MPZL3: variants seen among roughly 807,000 people sequenced by gnomAD.
MPZL3 encodes myelin protein zero-like protein 3.
MPZL3 carries 23 observed loss-of-function variants against 24.8 expected under a neutral mutation model. The observed-to-expected ratio is 0.93, with a 90% CI of 0.67 to 1.31. The LOEUF is 1.31. Ranked by LOEUF, MPZL3 falls within the 40% of genes most tolerant of loss-of-function variation. MPZL3 has a pLI of 0.00. For synonymous variants in MPZL3, 99 were observed against 106.5 expected, an observed-to-expected ratio of 0.93 and a Z score of 0.44; for missense variants, 277 against 294.9, an observed-to-expected ratio of 0.94 and a Z score of 0.44.
intron 5 of MPZL3, among the ~76,000 whole-genome samples, chr11:118,231,835 G>A (rs1047538918): frequency 2.6e-5 from 4 of 151,950 alleles, no homozygotes; most frequent in African/African-American, 9.7e-5. Flanking sequence ...CACCACCCTG[G>A]TCCAAACTAC....
chr11:118,235,528 G>A lies in MPZL3; in HGVS notation c.513C>T (p.Ala171=), dbSNP rs765559948. Residue 171 remains alanine (A), a synonymous_variant, in exon 4 of 6, where the codon GCC becomes GCT. Transcript: ENST00000278949. ...LLSILVFVPS[A]VVVALLLVRM... is the part of the protein sequence containing the mutation. ...TCACCAGCAGCAGAGCAACCACCACGGCTGAGGGCACAAAGACAAGGATGG... is the reference window on the plus strand; with the variant it reads ...TCACCAGCAGCAGAGCAACCACCACAGCTGAGGGCACAAAGACAAGGATGG... 82 of 1,613,850 alleles carry A rather than the reference G, an allele frequency of 5.1e-5. No homozygotes were observed. Among genetic ancestry groups the A allele is most frequent in the Non-Finnish European group, 6.6e-5 (78 of 1,179,972 alleles).
At chr11:118,242,419 T>G (rs1417818527) in intron 1 of MPZL3, among the ~76,000 whole-genome samples, 1 of 152,252 alleles carries the variant, frequency 6.6e-6, no homozygotes, top group African/African-American at 2.4e-5. Context: ...ATTATTAAAA[T>G]GAACACCACA....
At chr11:118,237,586 G>T (rs1373099654) in intron 2 of MPZL3, among the ~76,000 whole-genome samples, 1 of 152,072 alleles carries the variant, frequency 6.6e-6, no homozygotes, top group Admixed American at 6.5e-5. Flanking sequence ...CACAACTGGG[G>T]AGATGCTACC....
chr11:118,239,268 G>C (rs1949463615), intron 2 of MPZL3, among the ~76,000 whole-genome samples: 1 of 152,144 alleles, frequency 6.6e-6, no homozygotes, highest in Non-Finnish European at 1.5e-5. Context: ...AAAAGTGGGA[G>C]GGGAGCATGA....
chr11:118,236,694 T>A (rs532835981), intron 3 of MPZL3, among the ~76,000 whole-genome samples: 49 of 152,004 alleles, frequency 3.2e-4, no homozygotes, highest in African/African-American at 1.2e-3. Context: ...TAACTGGGAG[T>A]ATGAACATGC....
intron 2 of MPZL3, among the ~76,000 whole-genome samples, chr11:118,238,146 A>G (rs577779496): frequency 6.8e-6 from 1 of 147,294 alleles, no homozygotes; most frequent in East Asian, 2.0e-4. Flanking sequence ...CAAAAAAAAA[A>G]GAAAAAAAAG....
intron 1 of MPZL3, among the ~76,000 whole-genome samples, chr11:118,243,336 A>G (rs1039455282): frequency 1.3e-5 from 2 of 152,168 alleles, no homozygotes; most frequent in Non-Finnish European, 2.9e-5. Flanking sequence ...AGGCCATATA[A>G]ACGGCCCAGG....
chr11:118,234,146 T>C (rs1376793887), intron 4 of MPZL3, among the ~76,000 whole-genome samples: 4 of 152,182 alleles, frequency 2.6e-5, no homozygotes, highest in Non-Finnish European at 4.4e-5. Context: ...CATTCAGAAG[T>C]GTACTGAGCA....
chr11:118,234,295 A>G (rs1035379912), intron 4 of MPZL3, among the ~76,000 whole-genome samples: 1 of 152,216 alleles, frequency 6.6e-6, no homozygotes, highest in Non-Finnish European at 1.5e-5. Context: ...AAGTGTTTTA[A>G]TAGAGTTAAC....
In MPZL3 at chr11:118,237,225, T is replaced by G. The variant is rs771496918; in HGVS notation, c.276A>C (p.Thr92=). ...FHYQSFQYPT[T]AGTFRDRISW... ...AAATCCGATCCCGAAATGTGCCTGC[T>G]GTGGTTGGGTACTGGAAAGACTGAT... Residue 92 remains threonine (T), a synonymous_variant, in exon 3 of 6, where the codon ACA becomes ACC. Transcript: ENST00000278949. The G allele has an allele frequency of 1.9e-5, 31 of 1,613,986 alleles. No homozygotes were observed. In the Admixed American group the frequency reaches 3.7e-4, roughly 19 times the overall value.
At chr11:118,246,367 T>C (rs975877455) in intron 1 of MPZL3, among the ~76,000 whole-genome samples, 2 of 151,978 alleles carry the variant, frequency 1.3e-5, no homozygotes, top group African/African-American at 4.8e-5. Flanking sequence ...GGACCTCAAA[T>C]CGAATGCGGT....
intron 2 of MPZL3, 28 bp from the exon 3 acceptor site, chr11:118,237,288 G>T (rs1793141): frequency 6.3e-7 from 1 of 1,595,212 alleles, no homozygotes; most frequent in Non-Finnish European, 8.6e-7. Context: ...TGAGAGAAAA[G>T]GTTAACTTGG....
intron 1 of MPZL3, among the ~76,000 whole-genome samples, chr11:118,249,033 C>A (rs1006252786): frequency 2.3e-5 from 2 of 88,194 alleles, no homozygotes; most frequent in African/African-American, 1.2e-4. Flanking sequence ...CTAATATTTT[C>A]GGTTTGTTTT....
At chr11:118,236,417 AACTTGAGAAAG>A (rs1949427032) in intron 3 of MPZL3, among the ~76,000 whole-genome samples, 1 of 152,120 alleles carries the variant, frequency 6.6e-6, no homozygotes, top group African/African-American at 2.4e-5. Flanking sequence ...AAGGGAGAGA[AACTTGAGAAAG>A]ACTTGAGAAA....
intron 5 of MPZL3, among the ~76,000 whole-genome samples, chr11:118,231,412 G>T (rs1027648489): frequency 2.0e-5 from 3 of 151,974 alleles, no homozygotes; most frequent in African/African-American, 7.3e-5. Context: ...GGAGGGCCCA[G>T]GTTCTGTCCT....
chr11:118,252,348 AC>A lies in MPZL3; in HGVS notation c.-55del. ...CTTGTTTACAGCTCCCGGTAACGACACAGGTAACACCGGAAGTGACGTCAGA... is the reference window on the plus strand; with the variant it reads ...CTTGTTTACAGCTCCCGGTAACGACAAGGTAACACCGGAAGTGACGTCAGA... On this transcript the variant is annotated 5_prime_UTR_variant, in exon 1 of 6. Transcript: ENST00000278949. 1 of 1,563,600 alleles carries A rather than the reference AC, an allele frequency of 6.4e-7. No individual in the cohort carries two copies. Among genetic ancestry groups the A allele is most frequent in the Non-Finnish European group, 8.8e-7 (1 of 1,136,882 alleles).
In MPZL3 at chr11:118,227,350, A is replaced by G. The variant is rs1949283596; in HGVS notation, c.*2544T>C. ...GAGGTAGCAAAAAGAGAGAGAGAATAGCACCTTAGAAGTTACTCAAACAAG... is the reference window on the plus strand; with the variant it reads ...GAGGTAGCAAAAAGAGAGAGAGAATGGCACCTTAGAAGTTACTCAAACAAG... On this transcript the variant is annotated 3_prime_UTR_variant, in exon 6 of 6. Coordinates refer to ENST00000278949, the MANE Select transcript of MPZL3 (RefSeq NM_198275.3). 1 of 152,262 alleles carries G rather than the reference A, an allele frequency of 6.6e-6. No homozygotes were observed. Among genetic ancestry groups the G allele is most frequent in the South Asian group, 2.1e-4 (1 of 4,834 alleles). The allele number at this position is 152,262 out of a possible 1,614,324, so 9.4% of individuals were successfully genotyped here.
In MPZL3 at chr11:118,241,141, G is replaced by A. The variant is rs1949493311; in HGVS notation, c.74-764C>T. ...TCTGACACTTCATCTCTCTGAAAAG[G>A]GCTGGCACTTTGTTCTAACCAGTTC... On this transcript the variant is annotated intron_variant, in intron 1 of 5. Coordinates refer to ENST00000278949, the MANE Select transcript of MPZL3 (RefSeq NM_198275.3). Among the ~76,000 whole-genome samples the A allele has an allele frequency of 2.6e-5, 4 of 152,176 alleles. No individual in the cohort carries two copies. The South Asian group carries it at 6.2e-4, about 24-fold the overall frequency.
intron 2 of MPZL3, among the ~76,000 whole-genome samples, chr11:118,239,510 C>T (rs1949466488): frequency 6.6e-6 from 1 of 152,150 alleles, no homozygotes; most frequent in African/African-American, 2.4e-5. Context: ...GCTAAGGATA[C>T]TGCTGGAAGC....
Sources: gnomAD v4.1 joint callset for allele counts (sites outside exome capture counted in the v4.1 genomes callset) on GRCh38, gnomAD v4.1.1 for gene constraint, MANE v1.5 for transcripts, NCBI Gene and HGNC (gene_info 2026-07-23, HGNC 2026-07-21) for gene names.